Variants in RUVBL2 observed in about 807,000 individuals in gnomAD.
RUVBL2 encodes the protein RuvB like AAA ATPase 2.
Under a neutral mutation model 57.9 loss-of-function variants are expected in RUVBL2, and 9 were observed. That is an observed-to-expected ratio of 0.16 (90% confidence interval 0.09 to 0.27). The LOEUF (loss-of-function observed/expected upper bound fraction) is 0.27, where lower values mean the gene tolerates loss of function less well. Ranked by LOEUF, RUVBL2 falls within the 10% of genes least tolerant of loss-of-function variation. The pLI is 1.00. For synonymous variants in RUVBL2, 278 were observed against 264.6 expected (o/e 1.05, Z -0.49); for missense variants, 456 against 669.6 (o/e 0.68, Z 3.52).
At chr19:49,001,113 C>A (rs2039169954) in intron 2 of RUVBL2, among the ~76,000 whole-genome samples, 2 of 152,056 alleles carry the variant, frequency 1.3e-5, no homozygotes, top group South Asian at 4.1e-4. Flanking sequence ...CCATGCACTC[C>A]AGCCTGGGTG....
Position 49,009,994 on chromosome 19 carries a change from G to T in RUVBL2, c.591G>T (p.Lys197Asn). The change falls in exon 8 of 15, where the codon AAG becomes AAT. Residue 197 changes from lysine to asparagine, a missense_variant. Transcript: ENST00000595090. ...GTAGGGACGTGATCACCATCGACAAGGCGACGGGCAAGATCTCCAAGCTGG... is the reference window on the plus strand; with the variant it reads ...GTAGGGACGTGATCACCATCGACAATGCGACGGGCAAGATCTCCAAGCTGG... ...VQAGDVITID[K>N]ATGKISKLGR... The T allele has an allele frequency of 6.3e-7, 1 of 1,591,834 alleles. No individual in the cohort carries two copies. The highest frequency in any genetic ancestry group is 8.6e-7 in the Non-Finnish European group (1 of 1,166,510).
At chr19:49,009,255 G>A (rs567809465) in intron 6 of RUVBL2, among the ~76,000 whole-genome samples, 7 of 149,234 alleles carry the variant, frequency 4.7e-5, no homozygotes, top group Middle Eastern at 7.2e-3. Flanking sequence ...TTGGGAGGCC[G>A]AGGTGGGCAG....
chr19:49,002,154 C>T (rs968478621), intron 2 of RUVBL2, among the ~76,000 whole-genome samples: 2 of 151,620 alleles, frequency 1.3e-5, no homozygotes, highest in African/African-American at 4.9e-5. Flanking sequence ...GTTTAAGTGA[C>T]TCTCATGCCT....
chr19:48,996,377 A>G (rs2039060171), intron 1 of RUVBL2, among the ~76,000 whole-genome samples: 2 of 151,798 alleles, frequency 1.3e-5, no homozygotes, highest in South Asian at 4.1e-4. Flanking sequence ...GCTGGAGTGC[A>G]GTGGTGTGAT....
At chr19:49,014,689 G>C in intron 12 of RUVBL2, 86 bp downstream of exon 12, 1 of 1,527,832 alleles carries the variant, frequency 6.5e-7, no homozygotes, top group Non-Finnish European at 8.9e-7. Context: ...GTCCAGCGGA[G>C]TGGCATGGTG....
At chr19:48,998,271 G>C (rs1285743147) in intron 1 of RUVBL2, among the ~76,000 whole-genome samples, 2 of 152,208 alleles carry the variant, frequency 1.3e-5, no homozygotes, top group Non-Finnish European at 2.9e-5. Context: ...CATGTGCAAG[G>C]CCTGGTGGTT....
At chr19:49,004,215 T>G in intron 3 of RUVBL2, 62 bp from the exon 4 acceptor site, 1 of 1,594,736 alleles carries the variant, frequency 6.3e-7, no homozygotes, top group Non-Finnish European at 8.5e-7. Context: ...AGCTTCCTGA[T>G]GTGGTAGAAA....
rs151218931 is a variant in RUVBL2, at chr19:48,998,884, C to T, written c.13-435C>T. 2.2e-3 allele frequency among the ~76,000 whole-genome samples: 337 copies of T among 151,194 alleles called. 1 individual carries two copies. The highest frequency in any genetic ancestry group is 4.8e-3 in the African/African-American group (199 of 41,126). On this transcript the variant is annotated intron_variant, in intron 1 of 14. Transcript: ENST00000595090. ...CTCTACTAAAAATACAAAAATTAGC[C>T]GGGTGTGTTGATGCGCGCCTGTAAT...
intron 1 of RUVBL2, among the ~76,000 whole-genome samples, chr19:48,998,548 A>AT (rs2039110070): frequency 6.6e-6 from 1 of 151,716 alleles, no homozygotes; most frequent in East Asian, 1.9e-4. Context: ...TCTATTAAAA[A>AT]TACAAAAAAA....
chr19:49,005,031 T>G (rs1600180019), intron 4 of RUVBL2, among the ~76,000 whole-genome samples: 1 of 150,820 alleles, frequency 6.6e-6, no homozygotes, highest in East Asian at 1.9e-4. Flanking sequence ...AAGGGGAAGG[T>G]GGGTATTGAG....
Position 49,004,396 on chromosome 19 carries a change from G to C in RUVBL2, c.243G>C (p.Thr81=). Residue 81 remains threonine (T), a synonymous_variant, in exon 4 of 15, where the codon ACG becomes ACC. Transcript: ENST00000595090. ...TCCTTATTGCTGGCCAGCCGGGCAC[G>C]GGGAAGACGGCCATCGCCATGGGTA... ...RAVLIAGQPG[T]GKTAIAMGMA... 6.2e-7 allele frequency: 1 copy of C among 1,612,956 alleles called. No homozygotes were observed. Among genetic ancestry groups the C allele is most frequent in the South Asian group, 1.1e-5 (1 of 91,064 alleles).
In RUVBL2 at chr19:49,007,448, G is replaced by A. The variant is rs2039304450; in HGVS notation, c.462+80G>A. On this transcript the variant is annotated intron_variant, in intron 6 of 14. Coordinates refer to ENST00000595090, the MANE Select transcript of RUVBL2 (RefSeq NM_006666.3). Reference sequence around the variant, plus strand: ...AGAGAGTAGATATCAGGTCTGCACTGAGGTCAGAATCCCATGGAATGTTCT... The same window carrying A: ...AGAGAGTAGATATCAGGTCTGCACTAAGGTCAGAATCCCATGGAATGTTCT... 4 of 1,290,798 alleles carry A rather than the reference G, an allele frequency of 3.1e-6. No individual in the cohort carries two copies. In the African/African-American group the frequency reaches 4.4e-5, roughly 14 times the overall value. 80.0% of individuals were successfully genotyped at this position (1,290,798 alleles called of 1,614,324 possible).
Position 49,010,535 on chromosome 19 carries a change from G to C in RUVBL2, c.711G>C (p.Glu237Asp). The change falls in exon 9 of 15, where the codon GAG becomes GAC. Residue 237 changes from glutamate to aspartate, a missense_variant. Coordinates refer to ENST00000595090, the MANE Select transcript of RUVBL2 (RefSeq NM_006666.3). ...CPDGELQKRK[E>D]VVHTVSLHEI... Reference sequence around the variant, plus strand: ...ATGGGGAGCTCCAGAAACGCAAGGAGGTGGTGCACACCGTGTCCCTGCACG... The same window carrying C: ...ATGGGGAGCTCCAGAAACGCAAGGACGTGGTGCACACCGTGTCCCTGCACG... 1 of 1,509,504 alleles carries C rather than the reference G, an allele frequency of 6.6e-7. No individual in the cohort carries two copies. Among genetic ancestry groups the C allele is most frequent in the Non-Finnish European group, 9.0e-7 (1 of 1,115,140 alleles). 93.5% of individuals were successfully genotyped at this position (1,509,504 alleles called of 1,614,324 possible).
rs765895388 is a variant in RUVBL2, at chr19:49,010,040, C to T, written c.637C>T (p.Arg213Cys). The T allele has an allele frequency of 1.0e-5, 16 of 1,596,318 alleles. No individual in the cohort carries two copies. Among genetic ancestry groups the T allele is most frequent in the African/African-American group, 1.3e-5 (1 of 74,396 alleles). ...GCTGGGCCGCTCCTTCACACGCGCC[C>T]GCGACTACGACGCTATGGGCTCCCA... ...SKLGRSFTRA[R>C]DYDAMGSQTK... Residue 213 changes from arginine to cysteine, a missense_variant, in exon 8 of 15, where the codon CGC becomes TGC. Around this residue, in one of 5 missense-constraint regions of RUVBL2, gnomAD observed 233 missense variants for 306.0 expected, o/e 0.76. Coordinates refer to ENST00000595090, the MANE Select transcript of RUVBL2 (RefSeq NM_006666.3).
chr19:48,997,568 G>A (rs1447506376), intron 1 of RUVBL2, among the ~76,000 whole-genome samples: 2 of 150,066 alleles, frequency 1.3e-5, no homozygotes, highest in African/African-American at 4.9e-5. Context: ...AGCAGAGGTT[G>A]TAGTGAGCCA....
In RUVBL2 at chr19:49,014,559, C is replaced by T. The variant is rs2039503114; in HGVS notation, c.1077C>T (p.Thr359=). ...TGGACCGGCTGCTTATCGTCTCCACCACCCCCTACAGCGAGAAAGACACGA... is the reference window on the plus strand; with the variant it reads ...TGGACCGGCTGCTTATCGTCTCCACTACCCCCTACAGCGAGAAAGACACGA... ...DLLDRLLIVS[T]TPYSEKDTKQ... Residue 359 remains threonine (T), a synonymous_variant, in exon 12 of 15, where the codon ACC becomes ACT. Coordinates refer to ENST00000595090, the MANE Select transcript of RUVBL2 (RefSeq NM_006666.3). 1.2e-6 allele frequency: 2 copies of T among 1,614,156 alleles called. No homozygotes were observed.
chr19:49,004,213 G>C (rs1225046401), intron 3 of RUVBL2, 64 bp from the exon 4 acceptor site: 1 of 1,584,182 alleles, frequency 6.3e-7, no homozygotes, highest in Non-Finnish European at 8.6e-7. Context: ...CTAGCTTCCT[G>C]ATGTGGTAGA....
chr19:49,014,717 G>T, intron 12 of RUVBL2, 114 bp downstream of exon 12: 1 of 1,423,864 alleles, frequency 7.0e-7, no homozygotes, highest in Non-Finnish European at 9.5e-7. Flanking sequence ...CTACAGGAGA[G>T]AGGGCTGAGC....
chr19:49,013,889 C>T (rs139643250), intron 11 of RUVBL2, among the ~76,000 whole-genome samples: 10,810 of 152,192 alleles, frequency 0.071, 454 homozygotes, highest in Middle Eastern at 0.12. Context: ...ACTCCAGCCT[C>T]GCAACAGAGC....
Sources: gnomAD v4.1 joint callset for allele counts (sites outside exome capture counted in the v4.1 genomes callset) on GRCh38, gnomAD v4.1.1 for gene constraint, gnomAD v4.1.1 regional missense constraint, MANE v1.5 for transcripts, NCBI Gene and HGNC (gene_info 2026-07-23, HGNC 2026-07-21) for gene names.